Variants in ZBTB20 observed in about 807,000 individuals in gnomAD.
ZBTB20 encodes zinc finger and BTB domain containing 20, also known as zinc finger and BTB domain-containing protein 20.
A neutral mutation model predicts 56.9 loss-of-function variants in ZBTB20; 9 were observed. The ratio of observed to expected loss-of-function variants is 0.16; its 90% CI spans 0.10 to 0.28. The LOEUF is 0.28. Among genes scored for constraint, ZBTB20 ranks in the 10% least tolerant of loss-of-function variants. The pLI is 1.00. For missense variants in ZBTB20, 655 were observed against 1,003.0 expected (o/e 0.65, Z 4.69); for synonymous variants, 417 against 420.7 (o/e 0.99, Z 0.11).
intron 6 of ZBTB20, among the ~76,000 whole-genome samples, chr3:114,598,572 T>C (rs1451806809): frequency 2.0e-5 from 3 of 152,082 alleles, no homozygotes; most frequent in Admixed American, 1.3e-4. Flanking sequence ...ACTTTTGATG[T>C]ATTTGGGGAA....
chr3:114,869,933 C>A (rs1016157868), intron 4 of ZBTB20, among the ~76,000 whole-genome samples: 22 of 152,120 alleles, frequency 1.4e-4, no homozygotes, highest in African/African-American at 5.3e-4. Flanking sequence ...TACATAAAAT[C>A]TATCTGATAA....
In ZBTB20 at chr3:114,335,013, C is replaced by T. The variant is rs562749974; in HGVS notation, c.*3992G>A. The stretch of plus-strand genomic sequence containing the variant: ...GGGGCCTTTTTTGTACAAATATTGG[C>T]ATGTAATAAGGAAAAATTGCCCATG... On this transcript the variant is annotated 3_prime_UTR_variant, in exon 12 of 12. Coordinates refer to ENST00000675478, the MANE Select transcript of ZBTB20 (RefSeq NM_001348800.3). 6.6e-6 allele frequency: 1 copy of T among 152,032 alleles called. No individual in the cohort carries two copies. The highest frequency in any genetic ancestry group is 1.5e-5 in the Non-Finnish European group (1 of 67,998). The allele number at this position is 152,032 out of a possible 1,614,324, so 9.4% of individuals were successfully genotyped here.
In ZBTB20 at chr3:114,599,275, A is replaced by G. The variant is rs1478430790; in HGVS notation, c.-295+94253T>C. ...CTGAAATAGTTTCGTGAGGACTCAG[A>G]AATGTTCTTCTCTTCTGAATGCACA... On this transcript the variant is annotated intron_variant, in intron 6 of 11. Transcript: ENST00000675478. 8 of 152,214 alleles carry G rather than the reference A, an allele frequency of 5.3e-5. No individual in the cohort carries two copies. In the East Asian group the frequency reaches 7.7e-4, roughly 15 times the overall value. The allele number at this position is 152,214 out of a possible 1,614,324, so 9.4% of individuals were successfully genotyped here.
intron 10 of ZBTB20, chr3:114,359,582 T>C (rs1372227140): frequency 6.6e-6 from 1 of 152,210 alleles, no homozygotes; most frequent in Non-Finnish European, 1.5e-5. Flanking sequence ...TTTCTCTCTC[T>C]AAAGCGCTTT....
chr3:115,021,805 A>G (rs2080216458), intron 2 of ZBTB20, among the ~76,000 whole-genome samples: 1 of 150,840 alleles, frequency 6.6e-6, no homozygotes, highest in Non-Finnish European at 1.5e-5. Context: ...GTCAAACTAA[A>G]TATTATGTTA....
At chr3:114,856,773 C>A (rs1193879008) in intron 4 of ZBTB20, among the ~76,000 whole-genome samples, 1 of 152,138 alleles carries the variant, frequency 6.6e-6, no homozygotes, top group African/African-American at 2.4e-5. Flanking sequence ...CCAGGGCGAG[C>A]AATTAACTTT....
chr3:115,125,908 C>T (rs1031623625), intron 1 of ZBTB20, among the ~76,000 whole-genome samples: 1 of 151,488 alleles, frequency 6.6e-6, no homozygotes, highest in Non-Finnish European at 1.5e-5. Flanking sequence ...CACATACATA[C>T]AAAAAGAATG....
At chr3:114,777,223 T>C (rs1221754854) in intron 5 of ZBTB20, among the ~76,000 whole-genome samples, 1 of 152,110 alleles carries the variant, frequency 6.6e-6, no homozygotes, top group African/African-American at 2.4e-5. Context: ...ATAGATATAT[T>C]AAAACAATAA....
At chr3:114,443,141 A>T (rs1292233546) in intron 7 of ZBTB20, among the ~76,000 whole-genome samples, 1 of 152,194 alleles carries the variant, frequency 6.6e-6, no homozygotes, top group Non-Finnish European at 1.5e-5. Flanking sequence ...ATCTAAGGAC[A>T]TTCAACACAG....
chr3:114,913,076 T>A (rs747501633), intron 3 of ZBTB20, among the ~76,000 whole-genome samples: 6 of 152,074 alleles, frequency 3.9e-5, no homozygotes, highest in Non-Finnish European at 7.4e-5. Flanking sequence ...TATACTGATT[T>A]CCTTTGTTTT....
At chr3:114,846,916 G>A (rs1455412605) in intron 4 of ZBTB20, among the ~76,000 whole-genome samples, 5 of 152,166 alleles carry the variant, frequency 3.3e-5, no homozygotes, top group African/African-American at 4.8e-5. Context: ...GACTGAATAT[G>A]AGATTACCAT....
chr3:114,962,367 T>C (rs901763132), intron 3 of ZBTB20, among the ~76,000 whole-genome samples: 1 of 152,110 alleles, frequency 6.6e-6, no homozygotes. Flanking sequence ...CCCACCCAGA[T>C]GTGAGTATCT....
At chr3:114,783,169 C>T (rs769437629) in intron 5 of ZBTB20, among the ~76,000 whole-genome samples, 37 of 152,064 alleles carry the variant, frequency 2.4e-4, no homozygotes, top group Non-Finnish European at 4.4e-4. Context: ...TAATGCAATA[C>T]ATATTATGTT....
chr3:114,384,885 T>G (rs1202734307), intron 8 of ZBTB20, among the ~76,000 whole-genome samples: 1 of 152,218 alleles, frequency 6.6e-6, no homozygotes, highest in East Asian at 1.9e-4. Flanking sequence ...CGGCATTTGA[T>G]GTATATATTT....
chr3:114,997,938 T>G (rs997234810), intron 2 of ZBTB20, among the ~76,000 whole-genome samples: 4 of 151,776 alleles, frequency 2.6e-5, no homozygotes, highest in African/African-American at 9.7e-5. Flanking sequence ...GTAAATAATT[T>G]GTTCAACATT....
intron 5 of ZBTB20, among the ~76,000 whole-genome samples, chr3:114,760,795 C>A (rs1257052882): frequency 6.6e-6 from 1 of 152,106 alleles, no homozygotes; most frequent in Non-Finnish European, 1.5e-5. Context: ...TGTTTTCTTG[C>A]CTATTTATCT....
In ZBTB20 at chr3:114,321,475, C is replaced by T. The variant is rs1056408552; in HGVS notation, c.*17530G>A. On this transcript the variant is annotated 3_prime_UTR_variant, in exon 12 of 12. Transcript: ENST00000675478. ...GAGGGTCCCTCCCCTGCTATCACTG[C>T]CCACTGGCCCTTGCCTTCAATAAAG... 1 of 152,244 alleles carries T rather than the reference C, an allele frequency of 6.6e-6. No individual in the cohort carries two copies. The highest frequency in any genetic ancestry group is 2.4e-5 in the African/African-American group (1 of 41,436). 9.4% of individuals were successfully genotyped at this position (152,244 alleles called of 1,614,324 possible). A position where few individuals can be genotyped will look rare whatever the true frequency, so the allele number is the denominator to read the frequency against.
At chr3:114,721,489 A>C (rs1217594736) in intron 5 of ZBTB20, among the ~76,000 whole-genome samples, 3 of 152,166 alleles carry the variant, frequency 2.0e-5, no homozygotes, top group Non-Finnish European at 4.4e-5. Flanking sequence ...ATATTTACTA[A>C]AGTTCTACTC....
At chr3:114,981,906 ACTT>A (rs2078345236) in intron 2 of ZBTB20, among the ~76,000 whole-genome samples, 1 of 151,954 alleles carries the variant, frequency 6.6e-6, no homozygotes, top group African/African-American at 2.4e-5. Context: ...ACACAAGTCT[ACTT>A]CTTCACTACC....
Sources: gnomAD v4.1 joint callset for allele counts (sites outside exome capture counted in the v4.1 genomes callset) on GRCh38, gnomAD v4.1.1 for gene constraint, MANE v1.5 for transcripts, NCBI Gene and HGNC (gene_info 2026-07-23, HGNC 2026-07-21) for gene names.